Variants in LAMA2 observed in about 807,000 individuals in gnomAD.
LAMA2 encodes the protein laminin subunit alpha 2, also known as laminin subunit alpha-2.
In LAMA2, 269 loss-of-function variants were observed where a neutral mutation model predicts 364.8. That is an observed-to-expected ratio of 0.74 (90% CI 0.67 to 0.82). LAMA2 has a LOEUF of 0.82. Among genes scored for constraint, LAMA2 ranks in the 40% least tolerant of loss-of-function variants. The pLI is 0.00. For missense variants in LAMA2, 3,807 were observed against 3,873.2 expected, an observed-to-expected ratio of 0.98 and a Z score of 0.45; for synonymous variants, 1,379 against 1,370.6, an observed-to-expected ratio of 1.01 and a Z score of -0.14.
intron 1 of LAMA2, among the ~76,000 whole-genome samples, chr6:129,004,951 T>G (rs1784354325): frequency 6.6e-6 from 1 of 152,096 alleles, no homozygotes; most frequent in Non-Finnish European, 1.5e-5. Context: ...AATTTTCAAG[T>G]AAAACCTCAT....
At chr6:129,355,225 T>G (rs1303697536) in intron 32 of LAMA2, among the ~76,000 whole-genome samples, 1 of 152,198 alleles carries the variant, frequency 6.6e-6, no homozygotes, top group African/African-American at 2.4e-5. Context: ...CATTAGTGAT[T>G]TCCACTTACT....
chr6:129,061,484 C>T (rs772689026), intron 3 of LAMA2, among the ~76,000 whole-genome samples: 23 of 152,276 alleles, frequency 1.5e-4, no homozygotes, highest in Non-Finnish European at 1.9e-4. Context: ...AACTGGATGG[C>T]GCAACCACAA....
intron 9 of LAMA2, among the ~76,000 whole-genome samples, chr6:129,166,240 A>T (rs1779735426): frequency 6.6e-6 from 1 of 152,184 alleles, no homozygotes; most frequent in African/African-American, 2.4e-5. Flanking sequence ...AAATTCATGA[A>T]CTCCAAACAT....
chr6:128,911,416 AC>A (rs1777938729), intron 1 of LAMA2, among the ~76,000 whole-genome samples: 1 of 151,804 alleles, frequency 6.6e-6, no homozygotes, highest in African/African-American at 2.4e-5. Context: ...GCCGCCCATC[AC>A]CCCTTTCTTT....
At chr6:129,088,837 G>A (rs1774603192) in intron 3 of LAMA2, among the ~76,000 whole-genome samples, 1 of 151,670 alleles carries the variant, frequency 6.6e-6, no homozygotes. Flanking sequence ...AGACTGGGTA[G>A]CCAGGCAGAG....
intron 37 of LAMA2, among the ~76,000 whole-genome samples, chr6:129,398,020 T>C (rs766129643): frequency 1.3e-5 from 2 of 152,164 alleles, no homozygotes; most frequent in South Asian, 2.1e-4. Context: ...CACATTTTGA[T>C]CTTTGCTTTT....
chr6:129,010,903 A>G (rs180673822), intron 1 of LAMA2, among the ~76,000 whole-genome samples: 298 of 152,284 alleles, frequency 2.0e-3, no homozygotes, highest in Middle Eastern at 3.4e-3. Context: ...TTTACTGTGT[A>G]TACATATACA....
At chr6:129,438,206 G>A (rs1328851767) in intron 41 of LAMA2, among the ~76,000 whole-genome samples, 2 of 151,686 alleles carry the variant, frequency 1.3e-5, no homozygotes, top group Admixed American at 6.6e-5. Flanking sequence ...TTATACTGAA[G>A]TTGGAGGATT....
At position 129,034,161 on chromosome 6, in the gene LAMA2, A is replaced by G. The variant is rs188182592; in HGVS notation, c.113-15757A>G. On this transcript the variant is annotated intron_variant, in intron 1 of 64. Transcript: ENST00000421865. ...TAGACTTGAAGTTAGACAAGAATCT[A>G]TTTAATCAAACTCTAGATATGATGT... Among the ~76,000 whole-genome samples the G allele has an allele frequency of 1.9e-3, 283 of 152,260 alleles. 2 individuals carry two copies. The highest frequency in any genetic ancestry group is 6.5e-3 in the African/African-American group (269 of 41,584).
chr6:129,035,468 T>C (rs1786571676), intron 1 of LAMA2, among the ~76,000 whole-genome samples: 1 of 151,824 alleles, frequency 6.6e-6, no homozygotes. Flanking sequence ...TCTGTTTATT[T>C]TGTTAATTGT....
rs11757442 is a variant in LAMA2, at chr6:129,504,808, G to C, written c.8548-392G>C. Among the ~76,000 whole-genome samples, 341 of 152,328 alleles carry C rather than the reference G, an allele frequency of 2.2e-3. 2 individuals are homozygous for C. The highest frequency in any genetic ancestry group is 3.4e-3 in the Non-Finnish European group (228 of 68,036). Reference sequence around the variant, plus strand: ...ATTGTGTTGGGAGCCCAGGCTCTTTGCTCAATCAAACTAATGCACTTTTAA... The same window carrying C: ...ATTGTGTTGGGAGCCCAGGCTCTTTCCTCAATCAAACTAATGCACTTTTAA... On this transcript the variant is annotated intron_variant, in intron 60 of 64. Transcript: ENST00000421865.
At chr6:129,474,941 G>A (rs988608150) in intron 52 of LAMA2, among the ~76,000 whole-genome samples, 1 of 152,134 alleles carries the variant, frequency 6.6e-6, no homozygotes, top group Admixed American at 6.5e-5. Context: ...ATAGTTACCT[G>A]TTATTTTGCC....
chr6:128,978,787 G>A (rs1782686273), intron 1 of LAMA2, among the ~76,000 whole-genome samples: 1 of 152,212 alleles, frequency 6.6e-6, no homozygotes, highest in South Asian at 2.1e-4. Flanking sequence ...TTGCTTCTCT[G>A]AGGAAGTGAC....
intron 1 of LAMA2, among the ~76,000 whole-genome samples, chr6:128,889,628 T>C (rs1359674416): frequency 1.3e-5 from 2 of 152,106 alleles, no homozygotes; most frequent in Non-Finnish European, 2.9e-5. Context: ...GTGAATAAAA[T>C]AAGGTAATTA....
chr6:129,172,980 C>A (rs937689052), intron 9 of LAMA2, among the ~76,000 whole-genome samples: 12 of 152,248 alleles, frequency 7.9e-5, no homozygotes, highest in Non-Finnish European at 1.5e-4. Context: ...AAAGGGAACT[C>A]CCTGACCCCT....
chr6:129,394,876 G>A (rs749251476), intron 37 of LAMA2, among the ~76,000 whole-genome samples: 9 of 152,050 alleles, frequency 5.9e-5, no homozygotes, highest in Non-Finnish European at 8.8e-5. Context: ...ATGTATAGTC[G>A]GTATTGAAAT....
At chr6:128,897,325 T>C (rs2114403394) in intron 1 of LAMA2, among the ~76,000 whole-genome samples, 1 of 152,356 alleles carries the variant, frequency 6.6e-6, no homozygotes, top group South Asian at 2.1e-4. Context: ...GAAGAGTCTA[T>C]GAACTTTTTT....
intron 1 of LAMA2, among the ~76,000 whole-genome samples, chr6:128,918,580 A>G (rs1432711949): frequency 6.6e-6 from 1 of 152,200 alleles, no homozygotes; most frequent in African/African-American, 2.4e-5. Context: ...CCTATTGTAG[A>G]ACTAAAAACC....
chr6:128,995,027 T>C (rs1783842978), intron 1 of LAMA2, among the ~76,000 whole-genome samples: 1 of 152,142 alleles, frequency 6.6e-6, no homozygotes, highest in South Asian at 2.1e-4. Flanking sequence ...TACTGTGATA[T>C]ACCATATTTT....
Sources: gnomAD v4.1 joint callset for allele counts (sites outside exome capture counted in the v4.1 genomes callset) on GRCh38, gnomAD v4.1.1 for gene constraint, MANE v1.5 for transcripts, NCBI Gene and HGNC (gene_info 2026-07-23, HGNC 2026-07-21) for gene names.